Variants in UGT1A10 observed in about 807,000 individuals in gnomAD.
UGT1A10 encodes the protein UDP-glucuronosyltransferase 1A10.
A neutral mutation model predicts 45.8 loss-of-function variants in UGT1A10; 49 were observed. The ratio of observed to expected loss-of-function variants is 1.07; its 90% CI spans 0.85 to 1.36. UGT1A10 has a LOEUF of 1.36. Ranked by LOEUF, UGT1A10 falls within the 40% of genes most tolerant of loss-of-function variation. The pLI, the probability that UGT1A10 is intolerant of heterozygous loss-of-function variation, is 0.00. For synonymous variants in UGT1A10, 284 were observed against 249.7 expected (o/e 1.14, Z -1.29); for missense variants, 745 against 668.6 (o/e 1.11, Z -1.26).
rs909442346 is a variant in UGT1A10, at chr2:233,644,748, T to A, written c.855+7371T>A. On this transcript the variant is annotated intron_variant, in intron 1 of 4. Transcript: ENST00000344644. ...CACCGCCACTGTGGGTTCAGGGGGT[T>A]GGGTGACATAGGAGATGCAGAACTT... Among the ~76,000 whole-genome samples, 8 of 152,226 alleles carry A rather than the reference T, an allele frequency of 5.3e-5. No homozygotes were observed. The East Asian group carries it at 1.5e-3, about 29-fold the overall frequency.
intron 1 of UGT1A10, chr2:233,682,600 C>T: frequency 6.2e-7 from 1 of 1,613,880 alleles, no homozygotes; most frequent in African/African-American, 1.3e-5. Flanking sequence ...TATTTTGCCC[C>T]TATTTTTTCA....
chr2:233,764,622 A>G (rs1698606670), intron 1 of UGT1A10, among the ~76,000 whole-genome samples: 1 of 152,124 alleles, frequency 6.6e-6, no homozygotes. Flanking sequence ...GGTTTCATGA[A>G]GAGCAAAGGT....
At chr2:233,691,504 G>T (rs45594938) in intron 1 of UGT1A10, 354 of 985,758 alleles carry the variant, frequency 3.6e-4, no homozygotes, top group Middle Eastern at 5.2e-4. Flanking sequence ...AGGAACTCGC[G>T]TGCCAGCCAG....
At chr2:233,716,805 C>T (rs889271295) in intron 1 of UGT1A10, among the ~76,000 whole-genome samples, 2 of 152,120 alleles carry the variant, frequency 1.3e-5, no homozygotes, top group Non-Finnish European at 2.9e-5. Context: ...TGTCTCTGGA[C>T]GTTGCTGGGG....
intron 1 of UGT1A10, chr2:233,672,276 T>C: frequency 6.2e-7 from 1 of 1,614,036 alleles, no homozygotes; most frequent in African/African-American, 1.3e-5. Context: ...GTTCATACAA[T>C]GACATTTTTG....
intron 1 of UGT1A10, among the ~76,000 whole-genome samples, chr2:233,661,081 T>G (rs2073953330): frequency 6.6e-6 from 1 of 152,136 alleles, no homozygotes; most frequent in Admixed American, 6.6e-5. Flanking sequence ...GCTGCATTTT[T>G]TATAATAAAA....
intron 1 of UGT1A10, among the ~76,000 whole-genome samples, chr2:233,735,108 G>A (rs1171222877): frequency 3.9e-5 from 6 of 152,182 alleles, no homozygotes; most frequent in Non-Finnish European, 8.8e-5. Context: ...AATATCGACA[G>A]TGGGATGTTA....
chr2:233,646,560 A>G (rs1168445362), intron 1 of UGT1A10, among the ~76,000 whole-genome samples: 6 of 152,154 alleles, frequency 3.9e-5, no homozygotes, highest in Admixed American at 3.3e-4. Context: ...ACCCTAAATC[A>G]TCTTTCTAAG....
chr2:233,673,845 A>G (rs1298635011), intron 1 of UGT1A10, among the ~76,000 whole-genome samples: 1 of 152,208 alleles, frequency 6.6e-6, no homozygotes, highest in Non-Finnish European at 1.5e-5. Flanking sequence ...TAGATGTACA[A>G]TATACAATGT....
intron 1 of UGT1A10, among the ~76,000 whole-genome samples, chr2:233,680,089 CAG>C (rs1235931914): frequency 2.5e-4 from 38 of 152,026 alleles, no homozygotes; most frequent in Non-Finnish European, 5.0e-4. Context: ...TTTGAAATGG[CAG>C]GCAATCATAG....
Position 233,637,222 on chromosome 2 carries a change from A to C in UGT1A10, c.700A>C (p.Ile234Leu). 6.2e-7 allele frequency: 1 copy of C among 1,613,970 alleles called. No homozygotes were observed. The highest frequency in any genetic ancestry group is 8.5e-7 in the Non-Finnish European group (1 of 1,179,868). ...AAATGCCCTAGAAATAGCCTCTGAA[A>C]TTCTCCAAACCCCTGTCACGGCATA... is the stretch of plus-strand genomic sequence containing the variant. Reference protein sequence around the residue: ...FRNALEIASEILQTPVTAYDL... With the variant: ...FRNALEIASELLQTPVTAYDL... The change falls in exon 1 of 5, where the codon ATT (isoleucine) becomes CTT (leucine). Residue 234 changes from isoleucine to leucine, a missense_variant. By Grantham distance (5) the Ile-to-Leu change is conservative. Transcript: ENST00000344644.
At chr2:233,697,498 TTATC>T (rs2075395105) in intron 1 of UGT1A10, among the ~76,000 whole-genome samples, 1 of 151,666 alleles carries the variant, frequency 6.6e-6, no homozygotes, top group African/African-American at 2.4e-5. Flanking sequence ...CCAATTTTGT[TTATC>T]TTTTTTTTTT....
At position 233,713,223 on chromosome 2, in the gene UGT1A10, A is replaced by G. The variant is rs72551334; in HGVS notation, c.856-53811A>G. 6 of 1,614,250 alleles carry G rather than the reference A, an allele frequency of 3.7e-6. No homozygotes were observed. In the South Asian group the frequency reaches 4.4e-5, roughly 12 times the overall value. On this transcript the variant is annotated intron_variant, in intron 1 of 4. Coordinates refer to ENST00000344644, the MANE Select transcript of UGT1A10 (RefSeq NM_019075.4). ...CAAAGAAGAGAACTTTTTCACCCTG[A>G]CAACGTATGCCATTTCATGGACCCA...
At chr2:233,747,723 T>C in intron 1 of UGT1A10, 1 of 1,612,498 alleles carries the variant, frequency 6.2e-7, no homozygotes, top group Non-Finnish European at 8.5e-7. Flanking sequence ...TCCTGCTGTG[T>C]TTTTTTTGAG....
chr2:233,709,412 A>G (rs2076075448), intron 1 of UGT1A10, among the ~76,000 whole-genome samples: 1 of 152,214 alleles, frequency 6.6e-6, no homozygotes, highest in African/African-American at 2.4e-5. Flanking sequence ...TGAACACTCA[A>G]TAAGAATGTC....
chr2:233,638,206 A>G (rs983028266), intron 1 of UGT1A10, among the ~76,000 whole-genome samples: 1 of 152,314 alleles, frequency 6.6e-6, no homozygotes, highest in African/African-American at 2.4e-5. Flanking sequence ...CTTGTTTTAT[A>G]TACATAAATA....
intron 1 of UGT1A10, among the ~76,000 whole-genome samples, chr2:233,762,024 AT>A (rs967311965): frequency 2.6e-5 from 4 of 151,856 alleles, no homozygotes; most frequent in Non-Finnish European, 4.4e-5. Context: ...TTTGTATTTT[AT>A]TTTTTTTAAT....
intron 1 of UGT1A10, among the ~76,000 whole-genome samples, chr2:233,670,905 G>A (rs566727432): frequency 2.6e-5 from 4 of 152,280 alleles, no homozygotes; most frequent in East Asian, 1.9e-4. Flanking sequence ...TGTTCTTGCC[G>A]AGGCCTTCTT....
intron 1 of UGT1A10, chr2:233,741,673 T>C (rs1691737205): frequency 6.6e-6 from 1 of 151,938 alleles, no homozygotes; most frequent in Non-Finnish European, 1.5e-5. Context: ...TGCTGTTTAT[T>C]GCTTGGGTGC....
Sources: gnomAD v4.1 joint callset for allele counts (sites outside exome capture counted in the v4.1 genomes callset) on GRCh38, gnomAD v4.1.1 for gene constraint, MANE v1.5 for transcripts, NCBI Gene and HGNC (gene_info 2026-07-23, HGNC 2026-07-21) for gene names.